The following BMAL1 variants were observed in gnomAD, a reference collection of about 807,000 sequenced individuals.
The protein encoded by BMAL1 is basic helix-loop-helix ARNT like 1.
the BMAL1 span, among the ~76,000 whole-genome samples, chr11:13,282,669 C>T: frequency 1.3e-5 from 2 of 152,268 alleles, no homozygotes; most frequent in Non-Finnish European, 1.5e-5. Flanking sequence ...CTCCCCACAC[C>T]TGGCAGCAAT....
the BMAL1 span, among the ~76,000 whole-genome samples, chr11:13,352,916 C>T: frequency 6.6e-6 from 1 of 152,248 alleles, no homozygotes; most frequent in Non-Finnish European, 1.5e-5. Context: ...CCAACCTCTT[C>T]AACTGGGCTT....
chr11:13,330,547 C>T, the BMAL1 span, among the ~76,000 whole-genome samples: 1 of 152,242 alleles, frequency 6.6e-6, no homozygotes, highest in Non-Finnish European at 1.5e-5. Context: ...CTTCGTAAAT[C>T]AACCATCCAT....
the BMAL1 span, chr11:13,356,282 C>T: frequency 4.1e-5 from 19 of 458,132 alleles, no homozygotes; most frequent in African/African-American, 1.0e-4. Flanking sequence ...CTCCTCACTT[C>T]GTCCCTTCCC....
the BMAL1 span, among the ~76,000 whole-genome samples, chr11:13,319,872 C>A: frequency 6.6e-6 from 1 of 152,158 alleles, no homozygotes; most frequent in African/African-American, 2.4e-5. Context: ...AGGCCTTGGG[C>A]CCCAGAGACC....
chr11:13,317,973 A>G, the BMAL1 span, among the ~76,000 whole-genome samples: 2 of 152,256 alleles, frequency 1.3e-5, no homozygotes, highest in Non-Finnish European at 1.5e-5. Flanking sequence ...AAATGGGTAG[A>G]TTTTTGAATC....
chr11:13,367,474 G>C, the BMAL1 span, among the ~76,000 whole-genome samples: 1 of 152,140 alleles, frequency 6.6e-6, no homozygotes, highest in Non-Finnish European at 1.5e-5. Flanking sequence ...GCTGAGGCAG[G>C]TGGATCTCTT....
At chr11:13,355,705 A>G in the BMAL1 span, among the ~76,000 whole-genome samples, 1 of 152,110 alleles carries the variant, frequency 6.6e-6, no homozygotes, top group Non-Finnish European at 1.5e-5. Context: ...GACAAAAGGG[A>G]GAGGGGAGTT....
the BMAL1 span, among the ~76,000 whole-genome samples, chr11:13,294,409 A>ATG: frequency 6.6e-6 from 1 of 152,174 alleles, no homozygotes; most frequent in Non-Finnish European, 1.5e-5. Context: ...TTTTTCAACG[A>ATG]GTGTGAATTA....
the BMAL1 span, among the ~76,000 whole-genome samples, chr11:13,290,036 C>T: frequency 2.0e-5 from 3 of 152,200 alleles, no homozygotes; most frequent in Admixed American, 6.5e-5. Flanking sequence ...ACATCCTCTC[C>T]AGCATCTGTT....
chr11:13,335,034 A>G, the BMAL1 span, among the ~76,000 whole-genome samples: 1 of 152,248 alleles, frequency 6.6e-6, no homozygotes, highest in African/African-American at 2.4e-5. Context: ...ACCCTCGGGC[A>G]TCGACTCAGA....
chr11:13,358,522 G>T, the BMAL1 span: 2 of 1,612,928 alleles, frequency 1.2e-6, no homozygotes, highest in Non-Finnish European at 1.7e-6. Flanking sequence ...AACATGCAAC[G>T]CAATGTCCAG....
the BMAL1 span, among the ~76,000 whole-genome samples, chr11:13,337,894 T>C: frequency 6.6e-6 from 1 of 152,216 alleles, no homozygotes; most frequent in African/African-American, 2.4e-5. Flanking sequence ...ACCCTGGCTT[T>C]CCTACTTGTG....
At chr11:13,288,757 G>A in the BMAL1 span, among the ~76,000 whole-genome samples, 2 of 152,164 alleles carry the variant, frequency 1.3e-5, no homozygotes, top group Admixed American at 6.5e-5. Flanking sequence ...AGGAAGGAGA[G>A]AGAGAAGCCA....
the BMAL1 span, among the ~76,000 whole-genome samples, chr11:13,321,918 G>A: frequency 6.6e-6 from 1 of 152,146 alleles, no homozygotes; most frequent in African/African-American, 2.4e-5. Context: ...CAGTCATTAT[G>A]GGTAAATAAT....
chr11:13,282,784 G>A, the BMAL1 span, among the ~76,000 whole-genome samples: 1 of 152,240 alleles, frequency 6.6e-6, no homozygotes, highest in South Asian at 2.1e-4. Flanking sequence ...TGAGCATTCT[G>A]GGAGAAGTTT....
chr11:13,365,918 C>T, the BMAL1 span, among the ~76,000 whole-genome samples: 1 of 152,264 alleles, frequency 6.6e-6, no homozygotes, highest in East Asian at 1.9e-4. Flanking sequence ...TAACACAATA[C>T]CAGAGAATAC....
chr11:13,341,732 C>T, the BMAL1 span, among the ~76,000 whole-genome samples: 1,306 of 152,348 alleles, frequency 8.6e-3, 7 homozygotes, highest in Non-Finnish European at 0.015. Context: ...ACCAGGCTCT[C>T]TCCTCTTATT....
At chr11:13,298,556 G>A in the BMAL1 span, among the ~76,000 whole-genome samples, 1 of 152,202 alleles carries the variant, frequency 6.6e-6, no homozygotes, top group South Asian at 2.1e-4. Flanking sequence ...CAGAACATAA[G>A]CTTGATGCAG....
chr11:13,296,851 A>G, the BMAL1 span, among the ~76,000 whole-genome samples: 3 of 152,338 alleles, frequency 2.0e-5, no homozygotes, highest in South Asian at 6.2e-4. Flanking sequence ...AGTCAGACTC[A>G]GTGGGGAAGC....
Sources: gnomAD v4.1 joint callset for allele counts (sites outside exome capture counted in the v4.1 genomes callset) on GRCh38, gnomAD v4.1.1 for gene constraint, MANE v1.5 for transcripts, NCBI Gene and HGNC (gene_info 2026-07-23, HGNC 2026-07-21) for gene names.